Variants in TTC7B observed in about 807,000 individuals in gnomAD.
The protein encoded by TTC7B is tetratricopeptide repeat domain 7B.
A neutral mutation model predicts 106.8 loss-of-function variants in TTC7B; 28 were observed. That is an observed-to-expected ratio of 0.26 (90% CI 0.19 to 0.36). The LOEUF (loss-of-function observed/expected upper bound fraction) is 0.36. TTC7B is among the 10% of genes least tolerant of loss of function. The pLI, the probability that TTC7B is intolerant of heterozygous loss-of-function variation, is 1.00. For missense variants in TTC7B, 862 were observed against 1,076.4 expected (o/e 0.80, Z 2.79); for synonymous variants, 405 against 430.6 (o/e 0.94, Z 0.74).
intron 2 of TTC7B, among the ~76,000 whole-genome samples, chr14:90,785,081 G>A (rs533395384): frequency 2.8e-4 from 43 of 152,264 alleles, no homozygotes; most frequent in African/African-American, 1.0e-3. Flanking sequence ...AGCCGGGAAG[G>A]TCCAAGCTCA....
chr14:90,647,781 C>A (rs1885530359), intron 13 of TTC7B, among the ~76,000 whole-genome samples: 1 of 152,118 alleles, frequency 6.6e-6, no homozygotes, highest in Non-Finnish European at 1.5e-5. Context: ...AATTTGACTA[C>A]ATACTAGACA....
At chr14:90,675,109 A>AGACC (rs1476161384) in intron 9 of TTC7B, 1 of 152,390 alleles carries the variant, frequency 6.6e-6, no homozygotes, top group Non-Finnish European at 1.5e-5. Flanking sequence ...CCAGGGGCAG[A>AGACC]GACCACCCAG....
In TTC7B at chr14:90,541,594, A is replaced by G; in HGVS notation, c.2311-5T>C. The G allele has an allele frequency of 6.4e-7, 1 of 1,564,374 alleles. No homozygotes were observed. The highest frequency in any genetic ancestry group is 8.7e-7 in the Non-Finnish European group (1 of 1,148,400). On this transcript the variant is annotated splice_polypyrimidine_tract_variant and splice_region_variant and intron_variant, in intron 19 of 19. Transcript: ENST00000328459. ...TAGCTGGTGAAGGATCAGGGCCTGGAGAGGTCAGAGAGAGAGAGAGACAGT... is the reference window on the plus strand; with the variant it reads ...TAGCTGGTGAAGGATCAGGGCCTGGGGAGGTCAGAGAGAGAGAGAGACAGT...
chr14:90,790,538 G>A (rs1444914961), intron 1 of TTC7B, among the ~76,000 whole-genome samples: 1 of 152,080 alleles, frequency 6.6e-6, no homozygotes, highest in Admixed American at 6.6e-5. Flanking sequence ...GCAATTCCAA[G>A]AAAGCACCTC....
intron 15 of TTC7B, among the ~76,000 whole-genome samples, chr14:90,636,703 T>C (rs1331330857): frequency 6.6e-6 from 1 of 151,974 alleles, no homozygotes; most frequent in African/African-American, 2.4e-5. Flanking sequence ...TTAAACATAA[T>C]TTAATGAAGT....
intron 19 of TTC7B, among the ~76,000 whole-genome samples, chr14:90,573,603 T>TC (rs1256804447): frequency 2.8e-5 from 4 of 143,182 alleles, no homozygotes; most frequent in Non-Finnish European, 6.1e-5. Context: ...ACGGTCCCTC[T>TC]CAGCTCACGG....
At position 90,600,478 on chromosome 14, in the gene TTC7B, T is replaced by A. The variant is rs1892380189; in HGVS notation, c.1967-6852A>T. 6.6e-6 allele frequency among the ~76,000 whole-genome samples: 1 copy of A among 152,180 alleles called. No homozygotes were observed. Among genetic ancestry groups the A allele is most frequent in the South Asian group, 2.1e-4 (1 of 4,832 alleles). On this transcript the variant is annotated intron_variant, in intron 17 of 19. Transcript: ENST00000328459. The surrounding 1 kb of genome is among the most constrained non-coding windows in gnomAD (Gnocchi z 4.3). ...ATAAATAAATCACCTTGGTCACCAT[T>A]CTAGTAGACACTTCCATTTTTCACC...
intron 5 of TTC7B, among the ~76,000 whole-genome samples, chr14:90,720,508 A>G (rs781253276): frequency 3.3e-5 from 5 of 152,164 alleles, no homozygotes; most frequent in African/African-American, 4.8e-5. Flanking sequence ...TCTGAAACCA[A>G]CAGCGGAGGG....
intron 15 of TTC7B, among the ~76,000 whole-genome samples, chr14:90,622,947 A>G (rs1884275631): frequency 6.6e-6 from 1 of 151,446 alleles, no homozygotes; most frequent in South Asian, 2.1e-4. Flanking sequence ...CTACGCCCCC[A>G]CTCGAGCCGT....
At chr14:90,660,309 G>A (rs1315377406) in intron 9 of TTC7B, among the ~76,000 whole-genome samples, 2 of 145,294 alleles carry the variant, frequency 1.4e-5, no homozygotes, top group African/African-American at 2.6e-5. Context: ...AGAATAGCTT[G>A]AGCCCAGGAG....
intron 19 of TTC7B, among the ~76,000 whole-genome samples, chr14:90,565,523 T>A (rs1480693139): frequency 6.7e-6 from 1 of 148,968 alleles, no homozygotes. Flanking sequence ...TGCCTCTGCC[T>A]CCCGAGTAGC....
At chr14:90,548,671 G>A (rs1889940887) in intron 19 of TTC7B, among the ~76,000 whole-genome samples, 1 of 152,238 alleles carries the variant, frequency 6.6e-6, no homozygotes, top group Admixed American at 6.5e-5. Flanking sequence ...ACACTGGGCA[G>A]GTGGCCAGTA....
Position 90,714,153 on chromosome 14 carries a change from C to A in TTC7B, c.698+15922G>T, listed in dbSNP as rs555181422. ...GCTGAAGCAGGAGAATCACTTGAAT[C>A]CAGGAGGCGGAGTTTGCAGTGAGCC... On this transcript the variant is annotated intron_variant, in intron 5 of 19. Coordinates refer to ENST00000328459, the MANE Select transcript of TTC7B (RefSeq NM_001010854.2). 2.0e-5 allele frequency among the ~76,000 whole-genome samples: 3 copies of A among 152,160 alleles called. 1 individual carries two copies. The East Asian group carries it at 5.8e-4, about 29-fold the overall frequency.
intron 6 of TTC7B, among the ~76,000 whole-genome samples, chr14:90,693,265 G>A (rs1398428166): frequency 1.3e-5 from 2 of 151,794 alleles, no homozygotes; most frequent in Non-Finnish European, 2.9e-5. Flanking sequence ...GGCTGTGTAG[G>A]GCAAGTTATA....
At chr14:90,654,591 C>T (rs1027661464) in intron 12 of TTC7B, among the ~76,000 whole-genome samples, 5 of 152,100 alleles carry the variant, frequency 3.3e-5, no homozygotes, top group African/African-American at 1.2e-4. Context: ...GGGAAGCTTC[C>T]TGGAAGTGTC....
chr14:90,780,476 A>C (rs1891180160), intron 3 of TTC7B, among the ~76,000 whole-genome samples: 1 of 152,106 alleles, frequency 6.6e-6, no homozygotes, highest in Non-Finnish European at 1.5e-5. Flanking sequence ...AAGAAAAAGA[A>C]AGAAAGAAAG....
At chr14:90,646,783 C>G in intron 14 of TTC7B, 168 bp downstream of exon 14, 1 of 647,520 alleles carries the variant, frequency 1.5e-6, no homozygotes, top group Middle Eastern at 3.9e-4. Context: ...GATGCTCAAA[C>G]CAACCAAAAC....
intron 5 of TTC7B, among the ~76,000 whole-genome samples, chr14:90,702,046 G>A (rs549160296): frequency 4.6e-5 from 7 of 152,058 alleles, no homozygotes; most frequent in South Asian, 4.2e-4. Flanking sequence ...TCCTTCACCC[G>A]GGAATCCATA....
intron 8 of TTC7B, among the ~76,000 whole-genome samples, chr14:90,679,587 C>T (rs764756328): frequency 1.3e-5 from 2 of 152,210 alleles, no homozygotes; most frequent in Non-Finnish European, 2.9e-5. Context: ...GCACGCATTC[C>T]GCCTGCTCTA....
Sources: gnomAD v4.1 joint callset for allele counts (sites outside exome capture counted in the v4.1 genomes callset) on GRCh38, gnomAD v4.1.1 for gene constraint, Gnocchi (gnomAD v3.1) non-coding constraint, MANE v1.5 for transcripts, NCBI Gene and HGNC (gene_info 2026-07-23, HGNC 2026-07-21) for gene names.